PRIM1: variants seen among roughly 807,000 people sequenced by gnomAD.
The protein encoded by PRIM1 is DNA primase small subunit.
PRIM1 carries 38 observed loss-of-function variants against 60.2 expected under a neutral mutation model. The ratio of observed to expected loss-of-function variants is 0.63; its 90% CI spans 0.49 to 0.83. The LOEUF (loss-of-function observed/expected upper bound fraction) is 0.83. Among genes scored for constraint, PRIM1 ranks in the 40% least tolerant of loss-of-function variants. PRIM1 has a pLI of 0.00. For synonymous variants in PRIM1, 158 were observed against 160.2 expected (o/e 0.99, Z 0.10); for missense variants, 388 against 506.2 (o/e 0.77, Z 2.24).
chr12:56,740,053 T>A (rs1293571152), intron 9 of PRIM1, among the ~76,000 whole-genome samples: 1 of 151,790 alleles, frequency 6.6e-6, no homozygotes, highest in African/African-American at 2.4e-5. Flanking sequence ...AGAGAATTGC[T>A]TGAACCTGGA....
In PRIM1 at chr12:56,751,117, T is replaced by C; in HGVS notation, c.182A>G (p.Asn61Ser). 2 of 1,591,704 alleles carry C rather than the reference T, an allele frequency of 1.3e-6. No individual in the cohort carries two copies. The highest frequency in any genetic ancestry group is 1.7e-6 in the Non-Finnish European group (2 of 1,167,116). Residue 61 changes from asparagine (N) to serine (S), a missense_variant, in exon 2 of 13, where the codon AAC becomes AGC. Asn to Ser is a conservative substitution (Grantham distance 46). Coordinates refer to ENST00000338193, the MANE Select transcript of PRIM1 (RefSeq NM_000946.3). Reference protein sequence around the residue: ...DDIYIRYQSFNNQSDLEKEMQ... With the variant: ...DDIYIRYQSFSNQSDLEKEMQ... ...CTCCTTTTCCAGATCACTCTGGTTG[T>C]TGAAGGATTGGTAGCGAATGTAAAT...
rs768644998 is a variant in PRIM1 at position 56,746,907 on chromosome 12, C to CACACAGTGTGTT, written c.368+18_368+19insAACACACTGTGT. 70 of 1,612,840 alleles carry CACACAGTGTGTT rather than the reference C, an allele frequency of 4.3e-5. 2 individuals are homozygous for CACACAGTGTGTT. The African/African-American group carries it at 8.5e-4, about 20-fold the overall frequency. ...TCAGTGATACCACCCACCCTAACAG[C>CACACAGTGTGTT]AAGACACACAGTGCTCACCTACAAC... On this transcript the variant is annotated intron_variant, in intron 3 of 12. Transcript: ENST00000338193.
chr12:56,732,908 G>A (rs1953794309), intron 12 of PRIM1, among the ~76,000 whole-genome samples: 1 of 151,550 alleles, frequency 6.6e-6, no homozygotes, highest in Admixed American at 6.6e-5. Context: ...AGGCTGGAGT[G>A]CAATGGTGCG....
intron 4 of PRIM1, 98 bp downstream of exon 4, chr12:56,746,683 T>G: frequency 6.4e-6 from 6 of 936,962 alleles, no homozygotes; most frequent in Non-Finnish European, 9.9e-6. Context: ...CACAAATTAA[T>G]GAGATTTGAT....
At chr12:56,742,229 G>C (rs1357675759) in intron 7 of PRIM1, 1 of 241,972 alleles carries the variant, frequency 4.1e-6, no homozygotes, top group East Asian at 1.1e-4. Flanking sequence ...CTACAGCCTG[G>C]GCAACAGAGT....
intron 2 of PRIM1, among the ~76,000 whole-genome samples, chr12:56,749,031 C>T (rs552460643): frequency 1.2e-4 from 18 of 151,908 alleles, no homozygotes; most frequent in South Asian, 4.2e-4. Context: ...TTTTTTTAGA[C>T]AGGGTCTCAC....
chr12:56,738,837 A>T (rs570907607), intron 10 of PRIM1, among the ~76,000 whole-genome samples: 1 of 152,334 alleles, frequency 6.6e-6, no homozygotes, highest in Non-Finnish European at 1.5e-5. Flanking sequence ...GGCATGAGCC[A>T]CCGCGCCTCA....
chr12:56,731,926 C>T (rs1225925076), intron 12 of PRIM1, among the ~76,000 whole-genome samples, 192 bp from the exon 13 acceptor site: 1 of 152,208 alleles, frequency 6.6e-6, no homozygotes, highest in Non-Finnish European at 1.5e-5. Flanking sequence ...GGACTTAATA[C>T]GGCCAGTTGC....
chr12:56,748,660 G>C (rs538898735), intron 2 of PRIM1, among the ~76,000 whole-genome samples: 3 of 150,130 alleles, frequency 2.0e-5, no homozygotes, highest in South Asian at 2.1e-4. Context: ...CTAAAAGAAA[G>C]TGGTTGCTTC....
In PRIM1 at chr12:56,751,924, CT is replaced by C. The variant is rs3216744; in HGVS notation, c.103+271del. The stretch of plus-strand genomic sequence containing the variant: ...GCACCGCTGCAGGTAAACGGGGCAC[CT>C]AATGTGAGCCTGACCACGCAGAGGT... On this transcript the variant is annotated intron_variant, in intron 1 of 12. Coordinates refer to ENST00000338193, the MANE Select transcript of PRIM1 (RefSeq NM_000946.3). The C allele has an allele frequency of 2.3e-3, 492 of 209,944 alleles. 6 individuals are homozygous for C. Among genetic ancestry groups the C allele is most frequent in the Admixed American group, 0.016 (265 of 16,728 alleles). 13.0% of individuals were successfully genotyped at this position (209,944 alleles called of 1,614,324 possible).
At position 56,743,094 on chromosome 12, in the gene PRIM1, T is replaced by A. The variant is rs1197610070; in HGVS notation, c.641A>T (p.Lys214Ile). ...GTATTTTTTTATTATGTTTATAGAT[T>A]TTCTGTAAGAACAACAATAACAACA... ...LSEKIHPFIR[K>I]SINIIKKYFE... Residue 214 changes from lysine to isoleucine, a missense_variant and splice_region_variant, in exon 7 of 13, where the codon AAA (lysine) becomes ATA (isoleucine). Lys to Ile is a moderately radical substitution (Grantham distance 102). Coordinates refer to ENST00000338193, the MANE Select transcript of PRIM1 (RefSeq NM_000946.3). 6.6e-7 allele frequency: 1 copy of A among 1,519,128 alleles called. No individual in the cohort carries two copies. The highest frequency in any genetic ancestry group is 1.4e-5 in the African/African-American group (1 of 70,614). 94.1% of individuals were successfully genotyped at this position (1,519,128 alleles called of 1,614,324 possible).
chr12:56,744,227 G>A, intron 5 of PRIM1, 104 bp from the exon 6 acceptor site: 1 of 828,772 alleles, frequency 1.2e-6, no homozygotes. Flanking sequence ...ATAAGATGGT[G>A]GGCACGGTGG....
intron 1 of PRIM1, chr12:56,751,452 AT>A (rs1953958263): frequency 9.2e-6 from 2 of 217,190 alleles, no homozygotes; most frequent in African/African-American, 4.6e-5. Context: ...TGCCCAGATA[AT>A]TTTTGTATTT....
At chr12:56,748,008 A>T (rs200694469) in intron 2 of PRIM1, among the ~76,000 whole-genome samples, 2 of 148,668 alleles carry the variant, frequency 1.3e-5, no homozygotes, top group African/African-American at 5.0e-5. Flanking sequence ...TGACTGAAGG[A>T]AAAAAAAAAG....
At position 56,751,028 on chromosome 12, in the gene PRIM1, G is replaced by T. The variant is rs112031301; in HGVS notation, c.261+10C>A. The T allele has an allele frequency of 2.3e-5, 32 of 1,417,196 alleles. No homozygotes were observed. The African/African-American group carries it at 3.1e-4, about 14-fold the overall frequency. The allele number at this position is 1,417,196 out of a possible 1,614,324, so 87.8% of individuals were successfully genotyped here. A position where few individuals can be genotyped will look rare whatever the true frequency, so the allele number is the denominator to read the frequency against. ...AAAACAACAAAATATATTAAAAAAA[G>T]ATTTCTTACTCTGTGAGAATATACT... On this transcript the variant is annotated intron_variant, in intron 2 of 12. Transcript: ENST00000338193.
intron 12 of PRIM1, among the ~76,000 whole-genome samples, chr12:56,732,917 C>T (rs1343950761): frequency 2.6e-5 from 4 of 150,990 alleles, no homozygotes; most frequent in East Asian, 2.0e-4. Context: ...TGCAATGGTG[C>T]GATCTTGGCT....
chr12:56,739,954 T>C (rs889424591), intron 9 of PRIM1, among the ~76,000 whole-genome samples: 2 of 152,050 alleles, frequency 1.3e-5, no homozygotes, highest in African/African-American at 4.8e-5. Flanking sequence ...CTGGCCAAGA[T>C]GGTGAAACCC....
intron 5 of PRIM1, among the ~76,000 whole-genome samples, chr12:56,745,237 C>T (rs1426069943): frequency 2.0e-5 from 3 of 151,900 alleles, no homozygotes; most frequent in African/African-American, 4.8e-5. Context: ...TATAGTGAGA[C>T]CTTGTTTCTG....
At chr12:56,748,246 G>A (rs767630393) in intron 2 of PRIM1, among the ~76,000 whole-genome samples, 1 of 152,156 alleles carries the variant, frequency 6.6e-6, no homozygotes, top group Non-Finnish European at 1.5e-5. Context: ...ACATTTATAT[G>A]TGGAATGTTA....
Sources: gnomAD v4.1 joint callset for allele counts (sites outside exome capture counted in the v4.1 genomes callset) on GRCh38, gnomAD v4.1.1 for gene constraint, MANE v1.5 for transcripts, NCBI Gene and HGNC (gene_info 2026-07-23, HGNC 2026-07-21) for gene names.